CELF2: variants seen among roughly 807,000 people sequenced by gnomAD.
CELF2 encodes the protein CUGBP Elav-like family member 2, also known as CUG triplet repeat RNA-binding protein 2.
A neutral mutation model predicts 62.6 loss-of-function variants in CELF2; 8 were observed. The observed-to-expected ratio is 0.13, with a 90% CI of 0.07 to 0.23. The LOEUF (loss-of-function observed/expected upper bound fraction) is 0.23. Ranked by LOEUF, CELF2 falls within the 10% of genes least tolerant of loss-of-function variation. CELF2 has a pLI of 1.00. For synonymous variants in CELF2, 258 were observed against 250.0 expected (o/e 1.03, Z -0.30); for missense variants, 333 against 671.0 (o/e 0.50, Z 5.56).
At chr10:10,480,027 C>T in the CELF2 span, among the ~76,000 whole-genome samples, 1 of 152,156 alleles carries the variant, frequency 6.6e-6, no homozygotes, top group Non-Finnish European at 1.5e-5. Flanking sequence ...CCCAGGATCT[C>T]ACCTATGATT....
chr10:11,053,682 T>G (rs949652386), intron 1 of CELF2, among the ~76,000 whole-genome samples: 2 of 149,196 alleles, frequency 1.3e-5, no homozygotes, highest in Non-Finnish European at 3.0e-5. Flanking sequence ...TGGCGTGATC[T>G]CCACTCACTG....
the CELF2 span, among the ~76,000 whole-genome samples, chr10:10,729,582 G>A: frequency 6.6e-6 from 1 of 152,032 alleles, no homozygotes; most frequent in Non-Finnish European, 1.5e-5. Context: ...ACTCCAGCCT[G>A]GGCAACAGAG....
chr10:10,800,086 A>G (rs950935767), intron 1 of CELF2, among the ~76,000 whole-genome samples: 2 of 152,088 alleles, frequency 1.3e-5, no homozygotes, highest in Non-Finnish European at 2.9e-5. Context: ...CTCTGTCTTC[A>G]TGTTTGTCTG....
intron 1 of CELF2, among the ~76,000 whole-genome samples, chr10:10,884,195 G>A (rs999853383): frequency 6.6e-6 from 1 of 152,144 alleles, no homozygotes; most frequent in Non-Finnish European, 1.5e-5. Flanking sequence ...CATCTTGAAG[G>A]TCCTTTTCCA....
At chr10:10,552,118 A>G in the CELF2 span, among the ~76,000 whole-genome samples, 149,229 of 152,284 alleles carry the variant, frequency 0.98, 73,136 homozygotes, top group East Asian at 1. Context: ...CCTCTGACAC[A>G]AGGCTTTTGT....
At chr10:10,656,817 C>T in the CELF2 span, among the ~76,000 whole-genome samples, 1 of 144,038 alleles carries the variant, frequency 6.9e-6, no homozygotes, top group Non-Finnish European at 1.5e-5. Context: ...CACATGTATA[C>T]ATATGTAACT....
chr10:10,750,646 G>A, the CELF2 span, among the ~76,000 whole-genome samples: 34 of 152,184 alleles, frequency 2.2e-4, no homozygotes, highest in African/African-American at 8.0e-4. Context: ...ATTTATTCAC[G>A]CAAATACACA....
At chr10:10,733,183 C>CAA in the CELF2 span, among the ~76,000 whole-genome samples, 6 of 152,008 alleles carry the variant, frequency 3.9e-5, no homozygotes, top group African/African-American at 1.4e-4. Context: ...CCTGTGTAGA[C>CAA]AAGTAGAGTC....
intron 1 of CELF2, among the ~76,000 whole-genome samples, chr10:11,048,640 C>T (rs1367470513): frequency 1.3e-5 from 2 of 152,174 alleles, no homozygotes; most frequent in South Asian, 2.1e-4. Context: ...TGTGAAAACG[C>T]ATTCATAAAA....
At chr10:10,650,713 C>T in the CELF2 span, among the ~76,000 whole-genome samples, 1 of 152,210 alleles carries the variant, frequency 6.6e-6, no homozygotes, top group Non-Finnish European at 1.5e-5. Context: ...ATAGAACTGT[C>T]ATACATTGCT....
chr10:10,646,419 T>C, the CELF2 span, among the ~76,000 whole-genome samples: 3 of 152,242 alleles, frequency 2.0e-5, no homozygotes, highest in Non-Finnish European at 4.4e-5. Context: ...GTTCATCATT[T>C]GTCACATCCA....
At chr10:10,843,649 G>A (rs1463503911) in intron 1 of CELF2, among the ~76,000 whole-genome samples, 1 of 151,938 alleles carries the variant, frequency 6.6e-6, no homozygotes, top group African/African-American at 2.4e-5. Context: ...TACTGTGTTT[G>A]GATGAAGTAT....
intron 2 of CELF2, chr10:10,946,032 A>C (rs1311489380): frequency 1.3e-5 from 2 of 152,678 alleles, no homozygotes; most frequent in African/African-American, 4.8e-5. Flanking sequence ...CACCTTTTCA[A>C]AGTAGAGGGG....
At chr10:11,054,489 T>TTGTG (rs35465939) in intron 1 of CELF2, among the ~76,000 whole-genome samples, 7,308 of 149,426 alleles carry the variant, frequency 0.049, 238 homozygotes, top group East Asian at 0.085. Context: ...GTATGTGTGT[T>TTGTG]TGTGTGTGTG....
chr10:11,285,417 G>A lies in CELF2; in HGVS notation c.842-3001G>A, dbSNP rs889223003. ...ACTTTCCAGGCGGCAGCAGGGAAAG[G>A]CTTAGGAGAATGTCAGAAACTGTTG... On this transcript the variant is annotated intron_variant, in intron 8 of 12. Transcript: ENST00000633077. The surrounding 1 kb of genome is among the most constrained non-coding windows in gnomAD (Gnocchi z 4.3). Among the ~76,000 whole-genome samples the A allele has an allele frequency of 2.0e-5, 3 of 152,172 alleles. No individual in the cohort carries two copies. Among genetic ancestry groups the A allele is most frequent in the African/African-American group, 7.2e-5 (3 of 41,430 alleles).
intron 1 of CELF2, among the ~76,000 whole-genome samples, chr10:11,152,563 C>A (rs1242979943): frequency 6.6e-6 from 1 of 152,188 alleles, no homozygotes; most frequent in East Asian, 1.9e-4. Flanking sequence ...AACTTGTCAC[C>A]TTTTAACCTT....
At chr10:11,257,571 G>GGTGGGGCGC in intron 4 of CELF2, 167 bp from the exon 5 acceptor site, 1 of 624,848 alleles carries the variant, frequency 1.6e-6, no homozygotes, top group East Asian at 2.8e-5. Context: ...GGAGTGGCAG[G>GGTGGGGCGC]GTGGGGCGCA....
the CELF2 span, among the ~76,000 whole-genome samples, chr10:10,554,610 C>T: frequency 6.6e-6 from 1 of 152,284 alleles, no homozygotes; most frequent in East Asian, 1.9e-4. Flanking sequence ...TCCAGCCTCC[C>T]TGTGGTGACC....
the CELF2 span, among the ~76,000 whole-genome samples, chr10:10,521,152 T>C: frequency 3.3e-5 from 5 of 152,064 alleles, no homozygotes; most frequent in African/African-American, 1.2e-4. Flanking sequence ...AGCACAGGTA[T>C]CCCCTGCTGT....
Sources: allele counts gnomAD v4.1 joint callset (sites outside exome capture counted in the v4.1 genomes callset), GRCh38; gene constraint gnomAD v4.1.1; non-coding constraint Gnocchi (gnomAD v3.1); transcripts MANE v1.5; gene names NCBI Gene and HGNC (gene_info 2026-07-23, HGNC 2026-07-21).